Variants in CEP164 observed in about 807,000 individuals in gnomAD.
CEP164 encodes the protein centrosomal protein 164, also known as centrosomal protein of 164 kDa.
A neutral mutation model predicts 182.7 loss-of-function variants in CEP164; 162 were observed. That is an observed-to-expected ratio of 0.89 (90% CI 0.78 to 1.01). The LOEUF is 1.01. CEP164 is among the 50% of genes least tolerant of loss of function. CEP164 has a pLI of 0.00. For missense variants in CEP164, 1,735 were observed against 1,790.4 expected (o/e 0.97, Z 0.56); for synonymous variants, 661 against 690.0 (o/e 0.96, Z 0.66).
intron 17 of CEP164, 134 bp downstream of exon 17, chr11:117,391,349 TCACA>T: frequency 3.9e-6 from 3 of 773,466 alleles, no homozygotes; most frequent in Non-Finnish European, 6.3e-6. Flanking sequence ...AGAGTAGGTC[TCACA>T]CACACAGGCA....
intron 4 of CEP164, among the ~76,000 whole-genome samples, chr11:117,344,693 G>A (rs534745948): frequency 3.3e-5 from 5 of 152,306 alleles, no homozygotes; most frequent in African/African-American, 4.8e-5. Flanking sequence ...TTGGGAGGCC[G>A]AGGTGGGTGG....
At position 117,397,321 on chromosome 11, in the gene CEP164, G is replaced by T. The variant is rs568399224; in HGVS notation, c.3501+8G>T. ...CGCAAGAACCTGGAGAAGGTCAGGA[G>T]CTTTGGGAAGGGCCTGCCAGCCCTG... is the stretch of plus-strand genomic sequence containing the variant. On this transcript the variant is annotated splice_region_variant and intron_variant, in intron 27 of 32. Transcript: ENST00000278935. 1.2e-6 allele frequency: 2 copies of T among 1,608,308 alleles called. No homozygotes were observed. The highest frequency in any genetic ancestry group is 1.7e-6 in the Non-Finnish European group (2 of 1,177,426).
intron 9 of CEP164, among the ~76,000 whole-genome samples, chr11:117,373,285 G>A (rs899587024): frequency 6.6e-6 from 1 of 151,992 alleles, no homozygotes; most frequent in Non-Finnish European, 1.5e-5. Flanking sequence ...GAGAATTGCT[G>A]GGACCCGGGA....
In CEP164 at chr11:117,403,987, G is replaced by A. The variant is rs565283083; in HGVS notation, c.3502-3938G>A. On this transcript the variant is annotated intron_variant, in intron 27 of 32. Coordinates refer to ENST00000278935, the MANE Select transcript of CEP164 (RefSeq NM_014956.5). Reference sequence around the variant, plus strand: ...TATGCTTCACAAAGTTCTCGTGCTTGTTTTTCAGCTCCATCAGGTCATTTA... The same window carrying A: ...TATGCTTCACAAAGTTCTCGTGCTTATTTTTCAGCTCCATCAGGTCATTTA... 2.8e-4 allele frequency among the ~76,000 whole-genome samples: 42 copies of A among 151,968 alleles called. 1 individual carries two copies. The highest frequency in any genetic ancestry group is 9.4e-4 in the African/African-American group (39 of 41,468).
intron 1 of CEP164, among the ~76,000 whole-genome samples, chr11:117,322,613 T>C (rs986464722): frequency 6.6e-6 from 1 of 151,914 alleles, no homozygotes; most frequent in African/African-American, 2.4e-5. Flanking sequence ...CTGGAGTGCA[T>C]GGCACGATCT....
chr11:117,363,503 T>C lies in CEP164; in HGVS notation c.762T>C (p.Tyr254=), dbSNP rs766308731. 1.3e-5 allele frequency: 21 copies of C among 1,612,348 alleles called. No homozygotes were observed. In the South Asian group the frequency reaches 2.3e-4, roughly 18 times the overall value. ...GGGCACTGGGGGGTGACTTTGAGTA[T>C]GAGGTAAGAGCCCTAATCCCTACAG... ...DIGALGGDFE[Y]EESLRTSQPE... is the part of the protein sequence containing the mutation. Residue 254 remains tyrosine (Y), a synonymous_variant, in exon 8 of 33, where the codon TAT becomes TAC. Coordinates refer to ENST00000278935, the MANE Select transcript of CEP164 (RefSeq NM_014956.5).
At chr11:117,332,885 T>C (rs2036437623) in intron 1 of CEP164, among the ~76,000 whole-genome samples, 2 of 152,200 alleles carry the variant, frequency 1.3e-5, no homozygotes, top group African/African-American at 4.8e-5. Flanking sequence ...TGAACAATGT[T>C]GAGGGTTCTG....
At chr11:117,329,833 C>T (rs950667534) in intron 1 of CEP164, among the ~76,000 whole-genome samples, 1 of 137,946 alleles carries the variant, frequency 7.2e-6, no homozygotes, top group Non-Finnish European at 1.5e-5. Context: ...AGCCACTGCG[C>T]CTGGCCTTTT....
chr11:117,333,926 G>A (rs1472197927), intron 1 of CEP164, among the ~76,000 whole-genome samples: 3 of 152,146 alleles, frequency 2.0e-5, no homozygotes, highest in Non-Finnish European at 2.9e-5. Context: ...TTCTTGCCTC[G>A]TGTTGCCTTC....
Position 117,410,298 on chromosome 11 carries a change from C to T in CEP164, c.4096+333C>T. The stretch of plus-strand genomic sequence containing the variant: ...TTGTCGTCATTATCTTAATAGCTAC[C>T]ATCTTGTGCAATACATGATGGGCCA... On this transcript the variant is annotated intron_variant, in intron 30 of 32. Transcript: ENST00000278935. 6.4e-6 allele frequency: 3 copies of T among 470,356 alleles called. No individual in the cohort carries two copies. In the South Asian group the frequency reaches 6.8e-5, roughly 11 times the overall value. 29.1% of individuals were successfully genotyped at this position (470,356 alleles called of 1,614,324 possible). A position where few individuals can be genotyped will look rare whatever the true frequency, so the allele number is the denominator to read the frequency against.
chr11:117,390,214 A>G (rs1208838425), intron 15 of CEP164, among the ~76,000 whole-genome samples: 1 of 151,882 alleles, frequency 6.6e-6, no homozygotes, highest in African/African-American at 2.4e-5. Context: ...AAGTGCTGGG[A>G]TTACGGGTGT....
intron 24 of CEP164, 133 bp downstream of exon 24, chr11:117,395,855 G>T: frequency 8.0e-7 from 1 of 1,245,588 alleles, no homozygotes. Flanking sequence ...AAGAGCCTGT[G>T]GCTACATTTT....
intron 17 of CEP164, among the ~76,000 whole-genome samples, chr11:117,391,477 T>A (rs899795664): frequency 5.3e-5 from 8 of 151,952 alleles, no homozygotes; most frequent in Non-Finnish European, 1.2e-4. Context: ...TCAGGCTGGA[T>A]GGCAGTGGCG....
At position 117,412,146 on chromosome 11, in the gene CEP164, G is replaced by T; in HGVS notation, c.4361G>T (p.Arg1454Ile). The change falls in exon 33 of 33, where the codon AGA (arginine) becomes ATA (isoleucine). Residue 1454 changes from arginine (R) to isoleucine (I), a missense_variant. Physicochemically the swap from Arg to Ile is moderately conservative, Grantham distance 97. Coordinates refer to ENST00000278935, the MANE Select transcript of CEP164 (RefSeq NM_014956.5). ...LLQLGLDEHNRVKVYRF is the reference protein window; with the variant it reads ...LLQLGLDEHNIVKVYRF ...CAGCTGGGCCTTGATGAGCACAACA[G>T]AGTGAAGGTGTATCGCTTCTGAGGC... 1 of 1,614,168 alleles carries T rather than the reference G, an allele frequency of 6.2e-7. No homozygotes were observed. The highest frequency in any genetic ancestry group is 1.3e-5 in the African/African-American group (1 of 75,048).
chr11:117,355,883 C>T, intron 5 of CEP164: 2 of 1,041,796 alleles, frequency 1.9e-6, no homozygotes, highest in Non-Finnish European at 2.3e-6. Flanking sequence ...AGCTCAGAAT[C>T]CCCTTTTAGG....
chr11:117,335,184 G>A (rs1250682862), intron 1 of CEP164, among the ~76,000 whole-genome samples: 1 of 152,152 alleles, frequency 6.6e-6, no homozygotes, highest in Non-Finnish European at 1.5e-5. Flanking sequence ...GGCCTGCGTC[G>A]CCTCTGACTG....
At chr11:117,331,125 T>G (rs1484989505) in intron 1 of CEP164, among the ~76,000 whole-genome samples, 1 of 152,254 alleles carries the variant, frequency 6.6e-6, no homozygotes, top group Non-Finnish European at 1.5e-5. Flanking sequence ...TGTGAGTGTA[T>G]ATTCTCTGTT....
At position 117,381,772 on chromosome 11, in the gene CEP164, CT is replaced by C. The variant is rs755923652; in HGVS notation, c.1482del (p.Gln496ArgfsTer97). The part of the protein sequence containing the change: ...PPRSLATEEE[P>X]PQGPEGQPEW... ...CGCAGCCTGGCCACTGAAGAAGAGCCTCCCCAGGGCCCCGAGGGGCAGCCCG... is the reference window on the plus strand; with the variant it reads ...CGCAGCCTGGCCACTGAAGAAGAGCCCCCCAGGGCCCCGAGGGGCAGCCCG... On this transcript the variant is annotated frameshift_variant, in exon 13 of 33. Transcript: ENST00000278935. LOFTEE classifies it high-confidence loss of function. 14 of 1,600,248 alleles carry C rather than the reference CT, an allele frequency of 8.7e-6. No individual in the cohort carries two copies. In the South Asian group the frequency reaches 9.0e-5, roughly 10 times the overall value.
chr11:117,402,953 G>A (rs148169681), intron 27 of CEP164, among the ~76,000 whole-genome samples: 1,572 of 152,238 alleles, frequency 0.01, 28 homozygotes, highest in African/African-American at 0.036. Flanking sequence ...AATCTTTGTT[G>A]GTTTAAAGTC....
Sources: gnomAD v4.1 joint callset for allele counts (sites outside exome capture counted in the v4.1 genomes callset) on GRCh38, gnomAD v4.1.1 for gene constraint, MANE v1.5 for transcripts, NCBI Gene and HGNC (gene_info 2026-07-23, HGNC 2026-07-21) for gene names.